Variants in CCDC25 observed in about 807,000 individuals in gnomAD.
CCDC25 encodes the protein coiled-coil domain containing 25.
In CCDC25, 16 loss-of-function variants were observed where a neutral mutation model predicts 35.3. The ratio of observed to expected loss-of-function variants is 0.45; its 90% CI spans 0.31 to 0.69. The LOEUF is 0.69. CCDC25 is among the 30% of genes least tolerant of loss of function. The probability of loss-of-function intolerance (pLI) is 0.06; values close to 1 mark genes in which losing one functional copy is unlikely to be tolerated. For missense variants in CCDC25, 179 were observed against 250.7 expected (o/e 0.71, Z 1.93); for synonymous variants, 79 against 80.3 (o/e 0.98, Z 0.09).
chr8:27,767,678 G>A (rs1388193301), intron 1 of CCDC25, among the ~76,000 whole-genome samples: 2 of 152,228 alleles, frequency 1.3e-5, no homozygotes, highest in African/African-American at 4.8e-5. Flanking sequence ...GGACACTAAT[G>A]GGTACGGAAT....
Position 27,772,511 on chromosome 8 carries a change from A to G in CCDC25, c.28+2T>C, listed in dbSNP as rs1256234130. 3 of 1,549,898 alleles carry G rather than the reference A, an allele frequency of 1.9e-6. No homozygotes were observed. Among genetic ancestry groups the G allele is most frequent in the Non-Finnish European group, 2.6e-6 (3 of 1,146,706 alleles). On this transcript the variant is annotated splice_donor_variant, in intron 1 of 8. Coordinates refer to ENST00000356537, the MANE Select transcript of CCDC25 (RefSeq NM_018246.3). LOFTEE classifies it high-confidence loss of function. Reference sequence around the variant, plus strand: ...GTCCAGGAGGACGTGGCGCCCACTCACCGCTGCTGCTGGTGAAGTAGAACA... The same window carrying G: ...GTCCAGGAGGACGTGGCGCCCACTCGCCGCTGCTGCTGGTGAAGTAGAACA...
At chr8:27,745,731 A>C (rs1803580941) in intron 7 of CCDC25, among the ~76,000 whole-genome samples, 1 of 152,268 alleles carries the variant, frequency 6.6e-6, no homozygotes, top group African/African-American at 2.4e-5. Context: ...ACCGCGTTCC[A>C]TTCCCGGCAC....
chr8:27,750,764 A>G (rs1349683860), intron 5 of CCDC25, among the ~76,000 whole-genome samples: 2 of 152,230 alleles, frequency 1.3e-5, no homozygotes, highest in Non-Finnish European at 2.9e-5. Flanking sequence ...GGAAAGATTC[A>G]CTGGGTGAAC....
At chr8:27,771,678 T>A (rs976199402) in intron 1 of CCDC25, among the ~76,000 whole-genome samples, 1 of 152,156 alleles carries the variant, frequency 6.6e-6, no homozygotes, top group Admixed American at 6.5e-5. Flanking sequence ...AGACACCATT[T>A]AATACCACGT....
chr8:27,768,035 C>A (rs1172097853), intron 1 of CCDC25, among the ~76,000 whole-genome samples: 1 of 56,694 alleles, frequency 1.8e-5, no homozygotes, highest in African/African-American at 5.6e-5. Flanking sequence ...AACCCTGTCT[C>A]TATAAAAAAA....
intron 3 of CCDC25, among the ~76,000 whole-genome samples, chr8:27,761,024 G>A (rs140790540): frequency 6.6e-6 from 1 of 151,924 alleles, no homozygotes; most frequent in South Asian, 2.1e-4. Flanking sequence ...AGCTACTCGG[G>A]AGGCTGAGGC....
intron 1 of CCDC25, among the ~76,000 whole-genome samples, chr8:27,768,961 T>G (rs1804495904): frequency 6.6e-6 from 1 of 152,220 alleles, no homozygotes; most frequent in Non-Finnish European, 1.5e-5. Context: ...CATGAAAGAA[T>G]GAAAATGGAA....
chr8:27,737,875 T>TACACAC lies in CCDC25; in HGVS notation c.598-1636_598-1631dup, dbSNP rs200945575. On this transcript the variant is annotated intron_variant, in intron 8 of 8. Transcript: ENST00000356537. The surrounding 1 kb of genome is among the most constrained non-coding windows in gnomAD (Gnocchi z 4.6). ...GGATAAAGAAACTGTGGTGTGTGTA[T>TACACAC]ACACACACTCACACACACACACACA... 0.074 allele frequency among the ~76,000 whole-genome samples: 10,029 copies of TACACAC among 136,014 alleles called. 455 individuals are homozygous for TACACAC. The highest frequency in any genetic ancestry group is 0.14 in the East Asian group (688 of 4,970). The allele number at this position is 136,014 out of a possible 152,430, so 89.2% of individuals were successfully genotyped here.
Position 27,740,532 on chromosome 8 carries a change from AC to A in CCDC25, c.552-16del. ...ATGAATAGCTCCTAGAAGGAAAAAA[AC>A]ACACACACACATTTAAAATATGGTG... On this transcript the variant is annotated splice_polypyrimidine_tract_variant and intron_variant, in intron 7 of 8. Coordinates refer to ENST00000356537, the MANE Select transcript of CCDC25 (RefSeq NM_018246.3). The A allele has an allele frequency of 1.5e-6, 2 of 1,366,476 alleles. No homozygotes were observed. Among genetic ancestry groups the A allele is most frequent in the Non-Finnish European group, 1.0e-6 (1 of 969,700 alleles). 84.6% of individuals were successfully genotyped at this position (1,366,476 alleles called of 1,614,324 possible).
At chr8:27,762,596 T>C (rs1394348991) in intron 2 of CCDC25, 138 bp from the exon 3 acceptor site, 5 of 613,788 alleles carry the variant, frequency 8.1e-6, no homozygotes, top group Non-Finnish European at 1.4e-5. Context: ...TCGGAGGCCT[T>C]GATGCTTGAA....
rs1208274438 is a variant in CCDC25 at position 27,772,575 on chromosome 8, G to C, written c.-35C>G. The C allele has an allele frequency of 6.5e-7, 1 of 1,545,748 alleles. No individual in the cohort carries two copies. Among genetic ancestry groups the C allele is most frequent in the African/African-American group, 1.4e-5 (1 of 72,948 alleles). On this transcript the variant is annotated 5_prime_UTR_variant, in exon 1 of 9. Transcript: ENST00000356537. ...AGCGGTGCGGTGACTCCACCGCGGAGCAGCAGCGCTCAACTCACGAAGCTC... is the reference window on the plus strand; with the variant it reads ...AGCGGTGCGGTGACTCCACCGCGGACCAGCAGCGCTCAACTCACGAAGCTC...
At chr8:27,753,207 C>T (rs1390368024) in intron 4 of CCDC25, among the ~76,000 whole-genome samples, 1 of 152,096 alleles carries the variant, frequency 6.6e-6, no homozygotes, top group Non-Finnish European at 1.5e-5. Flanking sequence ...GATGCAGAAA[C>T]AGGCCAGTTA....
intron 7 of CCDC25, 33 bp downstream of exon 7, chr8:27,748,044 G>C (rs1464438905): frequency 1.3e-6 from 2 of 1,584,140 alleles, no homozygotes; most frequent in African/African-American, 2.7e-5. Flanking sequence ...AATAATCTTT[G>C]AGGTCAGTCT....
rs1392935537 is a variant in CCDC25, at chr8:27,765,212, T to C, written c.68A>G (p.Lys23Arg). The C allele has an allele frequency of 2.0e-6, 3 of 1,512,540 alleles. No individual in the cohort carries two copies. Among genetic ancestry groups the C allele is most frequent in the Non-Finnish European group, 2.7e-6 (3 of 1,114,920 alleles). The allele number at this position is 1,512,540 out of a possible 1,614,324, so 93.7% of individuals were successfully genotyped here. A position where few individuals can be genotyped will look rare whatever the true frequency, so the allele number is the denominator to read the frequency against. Residue 23 changes from lysine to arginine, a missense_variant, in exon 2 of 9, where the codon AAA becomes AGA. Physicochemically the swap from Lys to Arg is conservative, Grantham distance 26. Coordinates refer to ENST00000356537, the MANE Select transcript of CCDC25 (RefSeq NM_018246.3). ...SAYTIYMGKD[K>R]YENEDLIKHG... Reference sequence around the variant, plus strand: ...TGCTTTTGAAAACTTACTTTCATATTTATCTTTTCCCATGTAAATAGTGTA... The same window carrying C: ...TGCTTTTGAAAACTTACTTTCATATCTATCTTTTCCCATGTAAATAGTGTA...
chr8:27,738,535 G>A (rs541035849), intron 8 of CCDC25, among the ~76,000 whole-genome samples: 4 of 151,784 alleles, frequency 2.6e-5, no homozygotes, highest in Middle Eastern at 3.4e-3. Flanking sequence ...TCCTAGTCTC[G>A]GGACTTTTAA....
intron 3 of CCDC25, among the ~76,000 whole-genome samples, chr8:27,759,355 C>T (rs1228786669): frequency 1.3e-5 from 2 of 152,158 alleles, no homozygotes; most frequent in Non-Finnish European, 2.9e-5. Flanking sequence ...GCCTGTCGTG[C>T]CAGCACTTTG....
At chr8:27,764,574 T>C (rs771024075) in intron 2 of CCDC25, 31 of 243,018 alleles carry the variant, frequency 1.3e-4, no homozygotes, top group Non-Finnish European at 2.4e-4. Flanking sequence ...CCACCATGCC[T>C]GGCCTCTTAC....
At chr8:27,743,444 G>C (rs990590177) in intron 7 of CCDC25, among the ~76,000 whole-genome samples, 2 of 152,210 alleles carry the variant, frequency 1.3e-5, no homozygotes, top group Admixed American at 6.5e-5. Context: ...CTTGATCCAA[G>C]TGCCCATTGA....
chr8:27,760,600 G>A (rs1804192725), intron 3 of CCDC25, among the ~76,000 whole-genome samples: 1 of 152,162 alleles, frequency 6.6e-6, no homozygotes, highest in South Asian at 2.1e-4. Flanking sequence ...CAGGACCTAT[G>A]CTAGGTACTG....
Sources: gnomAD v4.1 joint callset for allele counts (sites outside exome capture counted in the v4.1 genomes callset) on GRCh38, gnomAD v4.1.1 for gene constraint, Gnocchi (gnomAD v3.1) non-coding constraint, MANE v1.5 for transcripts, NCBI Gene and HGNC (gene_info 2026-07-23, HGNC 2026-07-21) for gene names.